The following UTS2 variants were observed in gnomAD, a reference collection of about 807,000 sequenced individuals.
UTS2 encodes the protein urotensin-2.
Under a neutral mutation model 12.6 loss-of-function variants are expected in UTS2, and 10 were observed. That is an observed-to-expected ratio of 0.80 (90% confidence interval 0.49 to 1.35). The LOEUF (loss-of-function observed/expected upper bound fraction) is 1.35, where lower values mean the gene tolerates loss of function less well. Ranked by LOEUF, UTS2 falls within the 40% of genes most tolerant of loss-of-function variation. UTS2 has a pLI of 0.00. For missense variants in UTS2, 142 were observed against 143.2 expected (o/e 0.99, Z 0.04); for synonymous variants, 52 against 50.0 (o/e 1.04, Z -0.17).
At chr1:7,888,678 C>T in the UTS2 span, among the ~76,000 whole-genome samples, 9 of 152,156 alleles carry the variant, frequency 5.9e-5, no homozygotes, top group Non-Finnish European at 1.2e-4. Flanking sequence ...TCAGACCACA[C>T]GACAAGTGTG....
At chr1:7,908,964 A>G in the UTS2 span, among the ~76,000 whole-genome samples, 2 of 151,848 alleles carry the variant, frequency 1.3e-5, no homozygotes, top group South Asian at 4.2e-4. Context: ...GTGCCACCAC[A>G]CCCAGCTAAT....
chr1:7,910,901 T>TA, the UTS2 span, among the ~76,000 whole-genome samples: 7 of 152,034 alleles, frequency 4.6e-5, no homozygotes, highest in Middle Eastern at 3.2e-3. Context: ...TACGCCAGGC[T>TA]AATTTTTTTA....
At chr1:7,904,761 C>T in the UTS2 span, among the ~76,000 whole-genome samples, 2 of 151,648 alleles carry the variant, frequency 1.3e-5, no homozygotes, top group Non-Finnish European at 2.9e-5. Flanking sequence ...AAAAATTAGC[C>T]GGGCGTGGTG....
chr1:7,871,463 T>C, the UTS2 span, among the ~76,000 whole-genome samples: 1 of 152,274 alleles, frequency 6.6e-6, no homozygotes, highest in East Asian at 1.9e-4. Context: ...CAATGTGCTG[T>C]GAATTTGTTG....
At position 7,850,844 on chromosome 1, in the gene UTS2, C is replaced by T; in HGVS notation, c.182G>A (p.Gly61Asp). 6.2e-7 allele frequency: 1 copy of T among 1,614,160 alleles called. No homozygotes were observed. Among genetic ancestry groups the T allele is most frequent in the Non-Finnish European group, 8.5e-7 (1 of 1,180,034 alleles). ...SLLQILPEML[G>D]AERGDILRKA... The stretch of plus-strand genomic sequence containing the variant: ...CCTGAGAATATCCCCTCTTTCTGCA[C>T]CCAGCATCTCTGGCAGTATCTGTAG... The change falls in exon 2 of 4, where the codon GGT (glycine) becomes GAT (aspartate). Residue 61 changes from glycine to aspartate, a missense_variant. Coordinates refer to ENST00000361696, the MANE Select transcript of UTS2 (RefSeq NM_006786.4).
the UTS2 span, among the ~76,000 whole-genome samples, chr1:7,877,300 A>G: frequency 1.3e-5 from 2 of 152,328 alleles, no homozygotes; most frequent in South Asian, 2.1e-4. Flanking sequence ...ATTCAAAAGT[A>G]TGCTATAAAA....
chr1:7,865,848 A>T, the UTS2 span, among the ~76,000 whole-genome samples: 7 of 152,262 alleles, frequency 4.6e-5, no homozygotes, highest in African/African-American at 1.7e-4. Context: ...AGGTGGGAGG[A>T]TCATTTGAGC....
chr1:7,858,899 T>A, the UTS2 span, among the ~76,000 whole-genome samples: 1 of 152,164 alleles, frequency 6.6e-6, no homozygotes, highest in Non-Finnish European at 1.5e-5. Flanking sequence ...AACTTCTGAA[T>A]ATGAGGTTAC....
chr1:7,866,039 CT>C, the UTS2 span, among the ~76,000 whole-genome samples: 3 of 152,212 alleles, frequency 2.0e-5, no homozygotes, highest in African/African-American at 7.2e-5. This position sits in a 1 kb window ranked among gnomAD's most constrained non-coding sequence, Gnocchi z 4.5. Context: ...GGGAGAGAAG[CT>C]CCGCCCCTCC....
the UTS2 span, among the ~76,000 whole-genome samples, chr1:7,873,785 A>G: frequency 6.6e-6 from 1 of 152,208 alleles, no homozygotes; most frequent in African/African-American, 2.4e-5. Context: ...TTGATAAAGC[A>G]TTGGCAGGGT....
chr1:7,891,741 C>T, the UTS2 span, among the ~76,000 whole-genome samples: 1 of 151,942 alleles, frequency 6.6e-6, no homozygotes, highest in African/African-American at 2.4e-5. Flanking sequence ...TAAACATGTA[C>T]AATTTTTGTC....
the UTS2 span, among the ~76,000 whole-genome samples, chr1:7,889,832 C>T: frequency 6.6e-6 from 1 of 152,020 alleles, no homozygotes; most frequent in African/African-American, 2.4e-5. Flanking sequence ...TTTGGGAGGC[C>T]AAGGCGGGAG....
chr1:7,885,932 G>A, the UTS2 span, among the ~76,000 whole-genome samples: 4 of 147,924 alleles, frequency 2.7e-5, no homozygotes, highest in Non-Finnish European at 6.0e-5. Flanking sequence ...TGGAGGTGGA[G>A]GTCGGAACCC....
the UTS2 span, among the ~76,000 whole-genome samples, chr1:7,878,959 G>A: frequency 2.0e-5 from 3 of 152,122 alleles, no homozygotes; most frequent in African/African-American, 7.2e-5. Flanking sequence ...TCAGCAAGAA[G>A]ATATAATTCT....
At chr1:7,858,448 G>T (rs1326225418), upstream of UTS2, among the ~76,000 whole-genome samples, 2 of 152,188 alleles carry the variant, frequency 1.3e-5, no homozygotes, top group Non-Finnish European at 2.9e-5. Context: ...TGTCTATGGA[G>T]CACTCCCATC....
At chr1:7,900,461 G>A in the UTS2 span, among the ~76,000 whole-genome samples, 1 of 152,226 alleles carries the variant, frequency 6.6e-6, no homozygotes, top group South Asian at 2.1e-4. Context: ...TAAATAATGT[G>A]TGGGCATGAA....
the UTS2 span, among the ~76,000 whole-genome samples, chr1:7,900,196 C>T: frequency 6.6e-6 from 1 of 151,996 alleles, no homozygotes; most frequent in Admixed American, 6.6e-5. Context: ...CTCAGGAGTT[C>T]AAGACCAGCC....
the UTS2 span, among the ~76,000 whole-genome samples, chr1:7,870,950 T>C: frequency 1.3e-5 from 2 of 151,956 alleles, no homozygotes; most frequent in African/African-American, 4.8e-5. Flanking sequence ...TGGGCTTGAG[T>C]TGGGTGATTC....
chr1:7,889,858 A>G, the UTS2 span, among the ~76,000 whole-genome samples: 2 of 152,128 alleles, frequency 1.3e-5, no homozygotes, highest in African/African-American at 4.8e-5. Context: ...CGAGGTCAGG[A>G]GATCGAGACC....
Sources: gnomAD v4.1 joint callset for allele counts (sites outside exome capture counted in the v4.1 genomes callset) on GRCh38, gnomAD v4.1.1 for gene constraint, Gnocchi (gnomAD v3.1) non-coding constraint, MANE v1.5 for transcripts, NCBI Gene and HGNC (gene_info 2026-07-23, HGNC 2026-07-21) for gene names.